Variants in UTRN observed in about 807,000 individuals in gnomAD.
UTRN encodes the protein dystrophin-related protein 1.
UTRN carries 283 observed loss-of-function variants against 463.9 expected under a neutral mutation model. That is an observed-to-expected ratio of 0.61 (90% CI 0.55 to 0.67). The LOEUF (loss-of-function observed/expected upper bound fraction) is 0.67. Ranked by LOEUF, UTRN falls within the 30% of genes least tolerant of loss-of-function variation. The pLI is 0.00. For synonymous variants in UTRN, 1,442 were observed against 1,431.5 expected, an observed-to-expected ratio of 1.01 and a Z score of -0.17; for missense variants, 3,922 against 4,084.3, an observed-to-expected ratio of 0.96 and a Z score of 1.08.
chr6:144,563,174 G>T (rs990829414), intron 50 of UTRN, among the ~76,000 whole-genome samples: 10 of 152,064 alleles, frequency 6.6e-5, no homozygotes, highest in South Asian at 2.1e-4. Context: ...TTTTCAAAAG[G>T]TTATTTAAAT....
At chr6:144,294,548 T>C (rs1804520517) in intron 2 of UTRN, among the ~76,000 whole-genome samples, 2 of 152,066 alleles carry the variant, frequency 1.3e-5, no homozygotes, top group Admixed American at 1.3e-4. Context: ...GGGAATACTT[T>C]CCTTTAGGAA....
intron 59 of UTRN, 81 bp downstream of exon 59, chr6:144,772,049 T>C: frequency 1.1e-6 from 1 of 888,614 alleles, no homozygotes; most frequent in African/African-American, 2.8e-5. Flanking sequence ...TTTTTTTTTT[T>C]TTTTAAGGTG....
intron 64 of UTRN, among the ~76,000 whole-genome samples, chr6:144,802,076 G>A (rs1045867400): frequency 7.9e-5 from 12 of 152,108 alleles, no homozygotes; most frequent in Non-Finnish European, 1.8e-4. Context: ...TGTTACCAAT[G>A]AAAAAGAGAG....
intron 2 of UTRN, among the ~76,000 whole-genome samples, chr6:144,332,168 G>C (rs576088766): frequency 3.4e-4 from 52 of 152,312 alleles, no homozygotes; most frequent in African/African-American, 1.2e-3. Context: ...ATTTTGTGCT[G>C]TTGTCTCCAC....
chr6:144,748,688 G>T (rs1318421634), intron 55 of UTRN, among the ~76,000 whole-genome samples, 174 bp downstream of exon 55: 1 of 152,156 alleles, frequency 6.6e-6, no homozygotes, highest in African/African-American at 2.4e-5. Context: ...CCTCATTGGG[G>T]TTCATTGGAA....
At chr6:144,669,439 T>C (rs1481965732) in intron 51 of UTRN, among the ~76,000 whole-genome samples, 1 of 152,196 alleles carries the variant, frequency 6.6e-6, no homozygotes, top group Non-Finnish European at 1.5e-5. Context: ...TATCATAATA[T>C]ATAGTTTTAT....
chr6:144,732,214 T>TTATATATATGTGTATATATATATATA (rs1788612224), intron 54 of UTRN, among the ~76,000 whole-genome samples: 1 of 92,304 alleles, frequency 1.1e-5, no homozygotes, highest in African/African-American at 4.6e-5. Flanking sequence ...GTACTCTGTT[T>TTATATATATGTGTATATATATATATA]TATATATATA....
At chr6:144,447,841 TC>T (rs1179308798) in intron 16 of UTRN, 60 bp downstream of exon 16, 80 of 1,502,618 alleles carry the variant, frequency 5.3e-5, no homozygotes, top group Non-Finnish European at 6.5e-5. Flanking sequence ...ATTTAAATGT[TC>T]AGGTTAGTTT....
At chr6:144,461,541 G>A (rs536179426) in intron 22 of UTRN, among the ~76,000 whole-genome samples, 199 bp downstream of exon 22, 1 of 152,262 alleles carries the variant, frequency 6.6e-6, no homozygotes, top group South Asian at 2.1e-4. Context: ...TTTCATAGAA[G>A]AAAAGCATAT....
intron 34 of UTRN, among the ~76,000 whole-genome samples, chr6:144,501,164 A>C (rs1486568038): frequency 6.6e-6 from 1 of 152,178 alleles, no homozygotes; most frequent in East Asian, 1.9e-4. Flanking sequence ...TCATGCCATG[A>C]GCAGTGTGAG....
At chr6:144,562,149 C>T (rs1157464364) in intron 50 of UTRN, among the ~76,000 whole-genome samples, 2 of 151,976 alleles carry the variant, frequency 1.3e-5, no homozygotes, top group African/African-American at 4.8e-5. Context: ...TCCAACCATC[C>T]TGGGAAGAAA....
intron 52 of UTRN, among the ~76,000 whole-genome samples, chr6:144,679,071 G>C (rs1236500085): frequency 2.6e-5 from 4 of 152,098 alleles, no homozygotes; most frequent in Non-Finnish European, 5.9e-5. Context: ...CAGTGAACAT[G>C]TTTTGCTTAA....
intron 46 of UTRN, among the ~76,000 whole-genome samples, chr6:144,543,942 C>T (rs1215214222): frequency 6.6e-6 from 1 of 152,136 alleles, no homozygotes; most frequent in Non-Finnish European, 1.5e-5. Context: ...ATTCAGAACA[C>T]TTGAGTTGAC....
chr6:144,512,647 C>T (rs1795276042), intron 35 of UTRN, among the ~76,000 whole-genome samples: 1 of 151,520 alleles, frequency 6.6e-6, no homozygotes, highest in South Asian at 2.1e-4. Flanking sequence ...CTCAGGTGAT[C>T]CTTCCACCTC....
At chr6:144,422,454 TAAAATACA>T (rs977447807) in intron 4 of UTRN, among the ~76,000 whole-genome samples, 8 of 152,078 alleles carry the variant, frequency 5.3e-5, no homozygotes, top group African/African-American at 1.9e-4. Flanking sequence ...CCATCTCTAC[TAAAATACA>T]AAAAATTAGC....
At chr6:144,718,110 C>T (rs192777487) in intron 53 of UTRN, among the ~76,000 whole-genome samples, 103 of 152,194 alleles carry the variant, frequency 6.8e-4, no homozygotes, top group Admixed American at 1.5e-3. Flanking sequence ...TGAATAGAGG[C>T]TTTGGAAAGA....
chr6:144,537,776 C>T, intron 44 of UTRN, 59 bp downstream of exon 44: 2 of 1,556,736 alleles, frequency 1.3e-6, no homozygotes, highest in Non-Finnish European at 1.7e-6. Context: ...ACTTCAGAGT[C>T]ACATACTGCG....
intron 57 of UTRN, among the ~76,000 whole-genome samples, chr6:144,755,330 A>G (rs1791869848): frequency 6.6e-6 from 1 of 152,134 alleles, no homozygotes; most frequent in African/African-American, 2.4e-5. Flanking sequence ...GCAGAATTTT[A>G]TGTAATATTT....
At chr6:144,594,235 C>G (rs980087670) in intron 51 of UTRN, among the ~76,000 whole-genome samples, 1 of 152,022 alleles carries the variant, frequency 6.6e-6, no homozygotes, top group African/African-American at 2.4e-5. Flanking sequence ...GCCTTAACAT[C>G]TATGTAGAGC....
Sources: gnomAD v4.1 joint callset for allele counts (sites outside exome capture counted in the v4.1 genomes callset) on GRCh38, gnomAD v4.1.1 for gene constraint, MANE v1.5 for transcripts, NCBI Gene and HGNC (gene_info 2026-07-23, HGNC 2026-07-21) for gene names.